ARHGAP15: variants seen among roughly 807,000 people sequenced by gnomAD.
ARHGAP15 encodes Rho GTPase activating protein 15, also known as rho GTPase-activating protein 15.
A neutral mutation model predicts 63.7 loss-of-function variants in ARHGAP15; 51 were observed. The observed-to-expected ratio is 0.80, with a 90% confidence interval of 0.64 to 1.01. The LOEUF (loss-of-function observed/expected upper bound fraction) is 1.01. ARHGAP15 is among the 50% of genes least tolerant of loss of function. The probability of loss-of-function intolerance (pLI) is 0.00; values close to 1 mark genes in which losing one functional copy is unlikely to be tolerated. For missense variants in ARHGAP15, 560 were observed against 564.6 expected (o/e 0.99, Z 0.08); for synonymous variants, 191 against 193.8 (o/e 0.99, Z 0.12).
chr2:143,401,599 G>A (rs1365707316), intron 6 of ARHGAP15, among the ~76,000 whole-genome samples: 1 of 151,948 alleles, frequency 6.6e-6, no homozygotes, highest in Non-Finnish European at 1.5e-5. Flanking sequence ...TCAGTTTTTT[G>A]GGTGAGACTT....
intron 6 of ARHGAP15, among the ~76,000 whole-genome samples, chr2:143,297,426 ACT>A (rs1436703246): frequency 5.3e-5 from 8 of 151,208 alleles, no homozygotes; most frequent in African/African-American, 1.7e-4. Flanking sequence ...CATCTTGATA[ACT>A]CTCTGCTGGG....
intron 9 of ARHGAP15, among the ~76,000 whole-genome samples, chr2:143,493,996 A>G (rs2104914882): frequency 6.6e-6 from 1 of 152,302 alleles, no homozygotes; most frequent in African/African-American, 2.4e-5. Context: ...CTCTCTCAGA[A>G]TCATTGGGGG....
chr2:143,155,625 C>T lies in ARHGAP15; in HGVS notation c.135C>T (p.Ile45=), dbSNP rs1574021735. 1 of 1,591,876 alleles carries T rather than the reference C, an allele frequency of 6.3e-7. No homozygotes were observed. The highest frequency in any genetic ancestry group is 8.5e-7 in the Non-Finnish European group (1 of 1,171,660). The change falls in exon 2 of 14, where the codon ATC becomes ATT. Residue 45 remains isoleucine, a synonymous_variant. Coordinates refer to ENST00000295095, the MANE Select transcript of ARHGAP15 (RefSeq NM_018460.4). ...GGCTCAGCCAAAGTAAATCCATGAT[C>T]CTCACCGATGTCGGGAAGGTCACTG... ...HDRLSQSKSM[I]LTDVGKVTEP...
intron 6 of ARHGAP15, among the ~76,000 whole-genome samples, chr2:143,294,372 A>G (rs1170801473): frequency 1.3e-5 from 2 of 152,114 alleles, no homozygotes. Context: ...TAGTTAGGAT[A>G]ATACTAGCTG....
chr2:143,643,144 A>C (rs529162922), intron 12 of ARHGAP15, among the ~76,000 whole-genome samples: 1 of 152,226 alleles, frequency 6.6e-6, no homozygotes, highest in East Asian at 1.9e-4. Context: ...AGGTAGTGGA[A>C]AGCAGAAACC....
intron 8 of ARHGAP15, among the ~76,000 whole-genome samples, chr2:143,439,892 C>T (rs1483969904): frequency 6.6e-6 from 1 of 151,948 alleles, no homozygotes; most frequent in African/African-American, 2.4e-5. Flanking sequence ...AATCAGGACC[C>T]AAAAACTTAT....
intron 6 of ARHGAP15, among the ~76,000 whole-genome samples, chr2:143,349,679 G>T (rs996313153): frequency 3.9e-5 from 6 of 152,126 alleles, no homozygotes; most frequent in African/African-American, 9.7e-5. Context: ...TAACCTATGT[G>T]CAGGGATTGT....
chr2:143,175,623 C>A (rs1036113536), intron 2 of ARHGAP15, among the ~76,000 whole-genome samples: 1 of 152,124 alleles, frequency 6.6e-6, no homozygotes, highest in Admixed American at 6.6e-5. Flanking sequence ...GGGATACTCA[C>A]CACTCTCATT....
At chr2:143,583,618 A>G (rs1214804628) in intron 11 of ARHGAP15, among the ~76,000 whole-genome samples, 1 of 152,112 alleles carries the variant, frequency 6.6e-6, no homozygotes, top group Non-Finnish European at 1.5e-5. Context: ...TCTTAGAGAA[A>G]CCAAAAATTA....
intron 12 of ARHGAP15, among the ~76,000 whole-genome samples, chr2:143,682,302 AT>A (rs34391519): frequency 0.87 from 131,865 of 150,712 alleles, 60,015 homozygotes; most frequent in Non-Finnish European, 0.99. Flanking sequence ...AAATAAGGAG[AT>A]TTTTTTTTTT....
intron 8 of ARHGAP15, among the ~76,000 whole-genome samples, chr2:143,438,800 G>A (rs1163509946): frequency 1.3e-5 from 2 of 152,080 alleles, no homozygotes; most frequent in Admixed American, 1.3e-4. Context: ...TATATATTTA[G>A]TGTTAATCAT....
At chr2:143,525,660 C>T (rs1342089112) in intron 10 of ARHGAP15, among the ~76,000 whole-genome samples, 1 of 151,998 alleles carries the variant, frequency 6.6e-6, no homozygotes, top group African/African-American at 2.4e-5. Flanking sequence ...ACAAAGACTG[C>T]CACCTTCCTG....
chr2:143,768,004 C>T lies in ARHGAP15; in HGVS notation c.1260C>T (p.Ala420=), dbSNP rs200435567. ...FGHLTKIVAK[A]SKNLMSTQSL... is the part of the protein sequence containing the mutation. ...CTCTCCACAGGATAGTGGCCAAAGC[C>T]TCCAAGAACCTCATGTCCACGCAAA... Residue 420 remains alanine, a synonymous_variant, in exon 14 of 14, where the codon GCC becomes GCT. Transcript: ENST00000295095. The T allele has an allele frequency of 5.2e-5, 84 of 1,613,530 alleles. 1 individual carries two copies. In the East Asian group the frequency reaches 1.8e-3, roughly 36 times the overall value.
At chr2:143,356,109 T>A (rs1685799043) in intron 6 of ARHGAP15, among the ~76,000 whole-genome samples, 1 of 151,980 alleles carries the variant, frequency 6.6e-6, no homozygotes, top group South Asian at 2.1e-4. Flanking sequence ...TCTAAAAGCC[T>A]GTAATTATTT....
chr2:143,641,777 T>A (rs1680611510), intron 12 of ARHGAP15, among the ~76,000 whole-genome samples: 2 of 152,076 alleles, frequency 1.3e-5, no homozygotes, highest in African/African-American at 4.8e-5. Context: ...TCTTAGAAAA[T>A]TTGTAGAAGG....
intron 6 of ARHGAP15, among the ~76,000 whole-genome samples, chr2:143,328,289 A>T (rs781066089): frequency 2.6e-5 from 4 of 152,188 alleles, no homozygotes; most frequent in Non-Finnish European, 5.9e-5. Flanking sequence ...ACACATGCAC[A>T]TGTATGTTTA....
intron 8 of ARHGAP15, among the ~76,000 whole-genome samples, chr2:143,486,213 G>A (rs1340567268): frequency 1.3e-5 from 2 of 152,034 alleles, no homozygotes; most frequent in Non-Finnish European, 2.9e-5. Context: ...GAAGGCAGTG[G>A]AGCGTTCAGT....
rs527807545 is a variant in ARHGAP15, at chr2:143,299,699, ACACT to A, written c.474+49103_474+49106del. Among the ~76,000 whole-genome samples the A allele has an allele frequency of 5.7e-4, 86 of 152,140 alleles. 2 individuals are homozygous for A. The South Asian group carries it at 0.014, about 26-fold the overall frequency. On this transcript the variant is annotated intron_variant, in intron 6 of 13. Coordinates refer to ENST00000295095, the MANE Select transcript of ARHGAP15 (RefSeq NM_018460.4). Reference sequence around the variant, plus strand: ...TTTCTTAAAATTGTGTCTAAAATAAACACTCACAGTCCTTAATGAGGATCTAAAG... The same window carrying A: ...TTTCTTAAAATTGTGTCTAAAATAAACACAGTCCTTAATGAGGATCTAAAG...
chr2:143,681,540 G>A (rs774031793), intron 12 of ARHGAP15, among the ~76,000 whole-genome samples: 3 of 152,106 alleles, frequency 2.0e-5, no homozygotes, highest in Non-Finnish European at 4.4e-5. Context: ...AATTTGTGGA[G>A]AGTCATGGCC....
Sources: gnomAD v4.1 joint callset for allele counts (sites outside exome capture counted in the v4.1 genomes callset) on GRCh38, gnomAD v4.1.1 for gene constraint, MANE v1.5 for transcripts, NCBI Gene and HGNC (gene_info 2026-07-23, HGNC 2026-07-21) for gene names.